FARS2: variants seen among roughly 807,000 people sequenced by gnomAD.
FARS2 encodes the protein phenylalanyl-tRNA synthetase 2, mitochondrial.
Under a neutral mutation model 46.4 loss-of-function variants are expected in FARS2, and 40 were observed. That is an observed-to-expected ratio of 0.86 (90% CI 0.67 to 1.12). The LOEUF (loss-of-function observed/expected upper bound fraction) is 1.12, where lower values mean the gene tolerates loss of function less well. Ranked by LOEUF, FARS2 falls within the 50% of genes most tolerant of loss-of-function variation. FARS2 has a pLI of 0.00. For synonymous variants in FARS2, 234 were observed against 214.9 expected, an observed-to-expected ratio of 1.09 and a Z score of -0.78; for missense variants, 513 against 567.9, an observed-to-expected ratio of 0.90 and a Z score of 0.98.
At chr6:5,261,187 G>A (rs1250241010), upstream of FARS2, 1 of 154,960 alleles carries the variant, frequency 6.5e-6, no homozygotes, top group Non-Finnish European at 1.4e-5. Context: ...TGGGGTCTTG[G>A]CGGAGACATT....
intron 1 of FARS2, among the ~76,000 whole-genome samples, chr6:5,279,777 A>G (rs1027453664): frequency 2.0e-5 from 3 of 152,080 alleles, no homozygotes; most frequent in African/African-American, 7.2e-5. Flanking sequence ...AAGACAGGCA[A>G]AGAGAGAATT....
rs146090658 is a variant in FARS2, at chr6:5,447,197, C to T, written c.904+16025C>T. ...AAGGAGAACAGGCGAATTGTCTAGG[C>T]GCTAAATGATGAGGGCAGGAGCTGA... is the stretch of plus-strand genomic sequence containing the variant. On this transcript the variant is annotated intron_variant, in intron 4 of 6. Coordinates refer to ENST00000274680, the MANE Select transcript of FARS2 (RefSeq NM_006567.5). 2.6e-4 allele frequency among the ~76,000 whole-genome samples: 39 copies of T among 152,188 alleles called. 1 individual carries two copies. Among genetic ancestry groups the T allele is most frequent in the African/African-American group, 9.4e-4 (39 of 41,506 alleles).
chr6:5,639,232 C>T lies in FARS2; in HGVS notation c.1217+25912C>T, dbSNP rs1052015440. On this transcript the variant is annotated intron_variant, in intron 6 of 6. Coordinates refer to ENST00000274680, the MANE Select transcript of FARS2 (RefSeq NM_006567.5). Reference sequence around the variant, plus strand: ...CATCCACATATTTCAAAGCAAGGTACTGGATTTTTCATTTTGACATGTGTT... The same window carrying T: ...CATCCACATATTTCAAAGCAAGGTATTGGATTTTTCATTTTGACATGTGTT... Among the ~76,000 whole-genome samples, 7 of 152,288 alleles carry T rather than the reference C, an allele frequency of 4.6e-5. No homozygotes were observed. In the South Asian group the frequency reaches 1.4e-3, roughly 32 times the overall value.
chr6:5,279,299 C>T lies in FARS2; in HGVS notation c.-22+17639C>T, dbSNP rs1180676256. Among the ~76,000 whole-genome samples, 17 of 148,926 alleles carry T rather than the reference C, an allele frequency of 1.1e-4. 1 individual carries two copies. The East Asian group carries it at 3.2e-3, about 28-fold the overall frequency. On this transcript the variant is annotated intron_variant, in intron 1 of 6. Transcript: ENST00000274680. Reference sequence around the variant, plus strand: ...GGCTGAGGCAGGAGAATCACTTGAACCCGGGAGGCGGAGGTTGCAGTGAGC... The same window carrying T: ...GGCTGAGGCAGGAGAATCACTTGAATCCGGGAGGCGGAGGTTGCAGTGAGC...
chr6:5,586,562 C>A (rs1773623385), intron 5 of FARS2, among the ~76,000 whole-genome samples: 1 of 152,104 alleles, frequency 6.6e-6, no homozygotes, highest in African/African-American at 2.4e-5. Context: ...GGTGTATGGT[C>A]TTTTTAATGT....
intron 5 of FARS2, chr6:5,610,190 CT>C: frequency 1.3e-6 from 1 of 742,658 alleles, no homozygotes; most frequent in Non-Finnish European, 2.3e-6. Flanking sequence ...GAGACTCTGA[CT>C]TAGACAGGAC....
chr6:5,710,023 C>T lies in FARS2; in HGVS notation c.1218-61268C>T, dbSNP rs191519405. ...CTATGGGCCATTTTCATTTAAAACC[C>T]GTGGTGGCTGCTGGCCAACGCAGAC... is the stretch of plus-strand genomic sequence containing the variant. On this transcript the variant is annotated intron_variant, in intron 6 of 6. Coordinates refer to ENST00000274680, the MANE Select transcript of FARS2 (RefSeq NM_006567.5). Among the ~76,000 whole-genome samples the T allele has an allele frequency of 4.6e-5, 7 of 152,262 alleles. No individual in the cohort carries two copies. In the South Asian group the frequency reaches 1.0e-3, roughly 23 times the overall value.
chr6:5,487,795 G>A (rs1463563297), intron 4 of FARS2, among the ~76,000 whole-genome samples: 11 of 152,254 alleles, frequency 7.2e-5, no homozygotes, highest in East Asian at 3.9e-4. Flanking sequence ...TTGACATACC[G>A]TGGTTTTTTT....
rs1301961304 is a variant in FARS2 at position 5,764,947 on chromosome 6, G to A, written c.1218-6344G>A. Among the ~76,000 whole-genome samples, 1 of 152,244 alleles carries A rather than the reference G, an allele frequency of 6.6e-6. No individual in the cohort carries two copies. The highest frequency in any genetic ancestry group is 2.4e-5 in the African/African-American group (1 of 41,462). On this transcript the variant is annotated intron_variant, in intron 6 of 6. Transcript: ENST00000274680. The surrounding 1 kb of genome is among the most constrained non-coding windows in gnomAD (Gnocchi z 4.1). ...CTGGAGAGCAGTGACACTCTTGGCA[G>A]TGCTTTTGGTACTTGTTAGTTGTAT...
intron 5 of FARS2, among the ~76,000 whole-genome samples, chr6:5,553,109 C>T (rs1388311658): frequency 6.6e-6 from 1 of 152,176 alleles, no homozygotes; most frequent in Non-Finnish European, 1.5e-5. Context: ...ACAAGGTCAG[C>T]CCTCATTGGA....
chr6:5,532,910 A>G (rs893323502), intron 4 of FARS2, among the ~76,000 whole-genome samples: 2 of 152,156 alleles, frequency 1.3e-5, no homozygotes, highest in Non-Finnish European at 2.9e-5. Flanking sequence ...AACCCTTTTG[A>G]CAAGGAAGGA....
intron 4 of FARS2, among the ~76,000 whole-genome samples, chr6:5,537,695 T>G (rs1348594335): frequency 6.6e-6 from 1 of 152,208 alleles, no homozygotes; most frequent in Non-Finnish European, 1.5e-5. Flanking sequence ...CCTTTGCAAA[T>G]GCTTCCCTCT....
At position 5,277,318 on chromosome 6, in the gene FARS2, A is replaced by G. The variant is rs997448704; in HGVS notation, c.-22+15658A>G. 2.9e-4 allele frequency among the ~76,000 whole-genome samples: 44 copies of G among 152,280 alleles called. No homozygotes were observed. In the Middle Eastern group the frequency reaches 0.01, roughly 35 times the overall value. ...AAATAAAGTAGCAGCTTAGAATGGC[A>G]AAATGGTTGGTTTTTTAAACAAACT... is the stretch of plus-strand genomic sequence containing the variant. On this transcript the variant is annotated intron_variant, in intron 1 of 6. Transcript: ENST00000274680.
chr6:5,420,955 C>CCTT (rs10691829), intron 3 of FARS2, among the ~76,000 whole-genome samples: 104,564 of 151,514 alleles, frequency 0.69, 36,407 homozygotes, highest in East Asian at 0.93. Flanking sequence ...AGGACGGCGT[C>CCTT]CTTCTCACAG....
chr6:5,473,549 A>AC (rs1765933786), intron 4 of FARS2, among the ~76,000 whole-genome samples: 1 of 149,988 alleles, frequency 6.7e-6, no homozygotes, highest in African/African-American at 2.5e-5. Context: ...AAAAAACAAA[A>AC]AAAAAAAACA....
chr6:5,586,507 T>A (rs1773620085), intron 5 of FARS2, among the ~76,000 whole-genome samples: 1 of 152,218 alleles, frequency 6.6e-6, no homozygotes, highest in African/African-American at 2.4e-5. Context: ...GATTTGTGTA[T>A]GTTCAACCAT....
chr6:5,599,882 G>T (rs966444767), intron 5 of FARS2, among the ~76,000 whole-genome samples: 1 of 151,452 alleles, frequency 6.6e-6, no homozygotes, highest in Non-Finnish European at 1.5e-5. Context: ...TCTCAGGCTT[G>T]CTTCTTTTTT....
In FARS2 at chr6:5,343,671, A is replaced by C. The variant is rs1757041119; in HGVS notation, c.-21-24879A>C. Reference sequence around the variant, plus strand: ...TGTACATTAAGTTTTTATCACCTTTAACAGGAATGTGTCGTGACTGAAAGT... The same window carrying C: ...TGTACATTAAGTTTTTATCACCTTTCACAGGAATGTGTCGTGACTGAAAGT... On this transcript the variant is annotated intron_variant, in intron 1 of 6. Coordinates refer to ENST00000274680, the MANE Select transcript of FARS2 (RefSeq NM_006567.5). This position sits in a 1 kb window ranked among gnomAD's most constrained non-coding sequence, Gnocchi z 4.5. 6.6e-6 allele frequency among the ~76,000 whole-genome samples: 1 copy of C among 152,216 alleles called. No individual in the cohort carries two copies. Among genetic ancestry groups the C allele is most frequent in the South Asian group, 2.1e-4 (1 of 4,832 alleles).
At chr6:5,278,025 T>C (rs1261615370) in intron 1 of FARS2, among the ~76,000 whole-genome samples, 1 of 152,194 alleles carries the variant, frequency 6.6e-6, no homozygotes, top group Non-Finnish European at 1.5e-5. Flanking sequence ...CCTTAAAGTA[T>C]ACTTCATCTG....
Sources: gnomAD v4.1 joint callset for allele counts (sites outside exome capture counted in the v4.1 genomes callset) on GRCh38, gnomAD v4.1.1 for gene constraint, Gnocchi (gnomAD v3.1) non-coding constraint, MANE v1.5 for transcripts, NCBI Gene and HGNC (gene_info 2026-07-23, HGNC 2026-07-21) for gene names.